Variants in PLEKHA4 observed in about 807,000 individuals in gnomAD.
The protein encoded by PLEKHA4 is pleckstrin homology domain containing A4, also known as pleckstrin homology domain-containing family A member 4.
A neutral mutation model predicts 94.7 loss-of-function variants in PLEKHA4; 73 were observed. The observed-to-expected ratio is 0.77, with a 90% CI of 0.64 to 0.94. The LOEUF is 0.94. PLEKHA4 is among the 40% of genes least tolerant of loss of function. The probability of loss-of-function intolerance (pLI) is 0.00; values close to 1 mark genes in which losing one functional copy is unlikely to be tolerated. For synonymous variants in PLEKHA4, 449 were observed against 437.1 expected, an observed-to-expected ratio of 1.03 and a Z score of -0.34; for missense variants, 1,049 against 1,054.1, an observed-to-expected ratio of 1.00 and a Z score of 0.07.
chr19:48,855,000 C>T (rs558968674), intron 9 of PLEKHA4, among the ~76,000 whole-genome samples: 112 of 152,128 alleles, frequency 7.4e-4, no homozygotes, highest in Admixed American at 1.9e-3. Context: ...ACCACCAAGC[C>T]TAGCGACCCC....
At chr19:48,845,794 C>T (rs2035947085) in intron 14 of PLEKHA4, among the ~76,000 whole-genome samples, 178 bp from the exon 15 acceptor site, 1 of 151,618 alleles carries the variant, frequency 6.6e-6, no homozygotes, top group African/African-American at 2.4e-5. Context: ...GCAGGCAGAC[C>T]ACCTGAGGAG....
chr19:48,852,661 G>A (rs961429968), intron 12 of PLEKHA4, among the ~76,000 whole-genome samples: 1 of 152,140 alleles, frequency 6.6e-6, no homozygotes, highest in Non-Finnish European at 1.5e-5. Context: ...AGCCAGACAC[G>A]GTGGTTCAGG....
At chr19:48,848,790 C>T (rs1349023954) in intron 13 of PLEKHA4, among the ~76,000 whole-genome samples, 1 of 148,820 alleles carries the variant, frequency 6.7e-6, no homozygotes, top group African/African-American at 2.5e-5. Flanking sequence ...GAGCGAGACA[C>T]TGTCTCAAAA....
chr19:48,861,874 C>A (rs749799756), intron 3 of PLEKHA4, among the ~76,000 whole-genome samples, 182 bp from the exon 4 acceptor site: 10 of 151,532 alleles, frequency 6.6e-5, no homozygotes, highest in Non-Finnish European at 1.3e-4. Flanking sequence ...GCCTGTAATC[C>A]CAGCACTTAG....
At chr19:48,860,097 G>C (rs2036576799) in intron 6 of PLEKHA4, 1 of 582,162 alleles carries the variant, frequency 1.7e-6, no homozygotes, top group African/African-American at 1.9e-5. Context: ...ATCATTCCTG[G>C]AGCAGAGCTG....
Position 48,837,868 on chromosome 19 carries a change from TA to T in PLEKHA4, c.2077+148del. 1 of 686,630 alleles carries T rather than the reference TA, an allele frequency of 1.5e-6. No homozygotes were observed. Among genetic ancestry groups the T allele is most frequent in the Non-Finnish European group, 2.4e-6 (1 of 408,220 alleles). 42.5% of individuals were successfully genotyped at this position (686,630 alleles called of 1,614,324 possible). A position where few individuals can be genotyped will look rare whatever the true frequency, so the allele number is the denominator to read the frequency against. On this transcript the variant is annotated intron_variant, in intron 19 of 19. Coordinates refer to ENST00000263265, the MANE Select transcript of PLEKHA4 (RefSeq NM_020904.3). The surrounding 1 kb of genome is among the most constrained non-coding windows in gnomAD (Gnocchi z 4.3). ...CCCCAGTCACCTCTTGCCTGAGACC[TA>T]AAACTCCCAAACCCTGCCCAACTCT...
At chr19:48,851,534 T>C (rs920877890) in intron 13 of PLEKHA4, among the ~76,000 whole-genome samples, 2 of 152,066 alleles carry the variant, frequency 1.3e-5, no homozygotes, top group Non-Finnish European at 2.9e-5. Flanking sequence ...GTGAATCGCT[T>C]GAGCCCGGGA....
chr19:48,837,399 CTCCT>C lies in PLEKHA4; in HGVS notation c.2226_2229del (p.Gly743ValfsTer92). The C allele has an allele frequency of 1.2e-6, 2 of 1,613,672 alleles. No individual in the cohort carries two copies. Among genetic ancestry groups the C allele is most frequent in the Non-Finnish European group, 1.7e-6 (2 of 1,179,930 alleles). On this transcript the variant is annotated frameshift_variant, in exon 20 of 20. Transcript: ENST00000263265. LOFTEE classifies it low-confidence loss of function (END_TRUNC). This position sits in a 1 kb window ranked among gnomAD's most constrained non-coding sequence, Gnocchi z 4.3. ...CACGCGGGCCCCCAGGGGGTGGGAC[CTCCT>C]CCACGCCCACTCCCTCGGCGAGAGA...
At position 48,837,345 on chromosome 19, in the gene PLEKHA4, G is replaced by A; in HGVS notation, c.2284C>T (p.Pro762Ser). The A allele has an allele frequency of 6.2e-7, 1 of 1,613,840 alleles. No homozygotes were observed. The highest frequency in any genetic ancestry group is 1.1e-5 in the South Asian group (1 of 91,084). ...WDAGIAPPVLPQDEGAWPLRV... is the reference protein window; with the variant it reads ...WDAGIAPPVLSQDEGAWPLRV... ...AGAGGCCATGCCCCCTCGTCTTGTG[G>A]CAGGACCGGAGGGGCGATCCCGGCA... Residue 762 changes from proline to serine, a missense_variant, in exon 20 of 20, where the codon CCA (proline) becomes TCA (serine). By Grantham distance (74) the Pro-to-Ser change is moderately conservative (BLOSUM62 -1). Coordinates refer to ENST00000263265, the MANE Select transcript of PLEKHA4 (RefSeq NM_020904.3). The surrounding 1 kb of genome is among the most constrained non-coding windows in gnomAD (Gnocchi z 4.3).
At chr19:48,858,728 CT>C in intron 8 of PLEKHA4, 131 bp downstream of exon 8, 1 of 1,042,558 alleles carries the variant, frequency 9.6e-7, no homozygotes. Flanking sequence ...TCTCTCTCAC[CT>C]GAGCCCAGCT....
Position 48,859,676 on chromosome 19 carries a change from G to A in PLEKHA4, c.485C>T (p.Pro162Leu), listed in dbSNP as rs1406893594. The stretch of plus-strand genomic sequence containing the variant: ...GGGCTGGGGTCGTGCAGGTGACCTG[G>A]GTTGCCCACTAGCGAGTGGACATAG... ...SRAEGDDYGQ[P>L]RSPARPQPGE... Residue 162 changes from proline to leucine, a missense_variant, in exon 7 of 20, where the codon CCC becomes CTC. Physicochemically the swap from Pro to Leu is moderately conservative, Grantham distance 98 (BLOSUM62 -3). Coordinates refer to ENST00000263265, the MANE Select transcript of PLEKHA4 (RefSeq NM_020904.3). 6.2e-7 allele frequency: 1 copy of A among 1,611,636 alleles called. No individual in the cohort carries two copies.
At chr19:48,849,851 G>A (rs1473381759) in intron 13 of PLEKHA4, among the ~76,000 whole-genome samples, 1 of 152,180 alleles carries the variant, frequency 6.6e-6, no homozygotes, top group African/African-American at 2.4e-5. Flanking sequence ...GTGAGAGCAT[G>A]GCTTCAACAA....
At chr19:48,845,674 C>T in intron 14 of PLEKHA4, 58 bp from the exon 15 acceptor site, 1 of 1,305,188 alleles carries the variant, frequency 7.7e-7, no homozygotes, top group Non-Finnish European at 1.0e-6. Flanking sequence ...TTATTATTAC[C>T]ATGTTGCAAG....
At chr19:48,864,307 C>T (rs1447242432) in intron 3 of PLEKHA4, among the ~76,000 whole-genome samples, 1 of 151,832 alleles carries the variant, frequency 6.6e-6, no homozygotes, top group Non-Finnish European at 1.5e-5. Flanking sequence ...GTTGGGATTA[C>T]AGGCACCCCC....
At chr19:48,866,845 G>A (rs904766105) in intron 2 of PLEKHA4, among the ~76,000 whole-genome samples, 1 of 152,144 alleles carries the variant, frequency 6.6e-6, no homozygotes, top group Non-Finnish European at 1.5e-5. Context: ...GTGCCCTGCG[G>A]TCACACCCCT....
At chr19:48,846,010 CAA>C (rs1159060833) in intron 14 of PLEKHA4, among the ~76,000 whole-genome samples, 740 of 71,224 alleles carry the variant, frequency 0.01, 5 homozygotes, top group African/African-American at 0.033. Context: ...GACTCTGCCT[CAA>C]AAAAAAAAAA....
At chr19:48,862,683 T>C (rs1430572801) in intron 3 of PLEKHA4, among the ~76,000 whole-genome samples, 1 of 151,788 alleles carries the variant, frequency 6.6e-6, no homozygotes, top group Non-Finnish European at 1.5e-5. Flanking sequence ...CTAATTTTGT[T>C]TTTGTATTTT....
chr19:48,859,258 G>T (rs948984141), intron 7 of PLEKHA4, 119 bp from the exon 8 acceptor site: 15 of 947,010 alleles, frequency 1.6e-5, no homozygotes, highest in Non-Finnish European at 2.4e-5. Flanking sequence ...TGTCCCACTG[G>T]GTTAGAATCC....
At chr19:48,844,119 T>TGTA (rs1555780073) in intron 16 of PLEKHA4, among the ~76,000 whole-genome samples, 5 of 134,892 alleles carry the variant, frequency 3.7e-5, no homozygotes, top group African/African-American at 8.4e-5. Context: ...CCTTATTTAT[T>TGTA]TTATTATTAT....
Sources: allele counts gnomAD v4.1 joint callset (sites outside exome capture counted in the v4.1 genomes callset), GRCh38; gene constraint gnomAD v4.1.1; non-coding constraint Gnocchi (gnomAD v3.1); transcripts MANE v1.5; gene names NCBI Gene and HGNC (gene_info 2026-07-23, HGNC 2026-07-21).